HECW1: variants seen among roughly 807,000 people sequenced by gnomAD.
The protein encoded by HECW1 is E3 ubiquitin-protein ligase HECW1.
Under a neutral mutation model 182.3 loss-of-function variants are expected in HECW1, and 61 were observed. The ratio of observed to expected loss-of-function variants is 0.33; its 90% CI spans 0.27 to 0.41. The LOEUF (loss-of-function observed/expected upper bound fraction) is 0.41. Among genes scored for constraint, HECW1 ranks in the 10% least tolerant of loss-of-function variants. HECW1 has a pLI of 1.00. For missense variants in HECW1, 1,739 were observed against 2,108.9 expected, an observed-to-expected ratio of 0.82 and a Z score of 3.44; for synonymous variants, 859 against 832.6, an observed-to-expected ratio of 1.03 and a Z score of -0.55.
chr7:43,474,571 T>C (rs772782661), intron 16 of HECW1, among the ~76,000 whole-genome samples: 7 of 152,088 alleles, frequency 4.6e-5, no homozygotes, highest in Non-Finnish European at 7.4e-5. Context: ...AATAACATTA[T>C]ATTAAATAAA....
At chr7:43,150,290 A>G (rs1327920902) in intron 2 of HECW1, among the ~76,000 whole-genome samples, 4 of 152,252 alleles carry the variant, frequency 2.6e-5, no homozygotes, top group Non-Finnish European at 5.9e-5. Flanking sequence ...CGCTGTCTAT[A>G]ACACTGTGTA....
chr7:43,519,158 T>C (rs950101820), intron 24 of HECW1, among the ~76,000 whole-genome samples: 1 of 152,150 alleles, frequency 6.6e-6, no homozygotes, highest in Non-Finnish European at 1.5e-5. Context: ...ATGAGGAAAC[T>C]CATACCCATA....
chr7:43,437,975 A>G (rs747817881), intron 8 of HECW1, 28 bp from the exon 9 acceptor site: 45 of 1,611,830 alleles, frequency 2.8e-5, no homozygotes, highest in Non-Finnish European at 3.6e-5. Context: ...CTCTCAGTTA[A>G]TTGATGTGAC....
chr7:43,192,248 C>T (rs551090139), intron 2 of HECW1, among the ~76,000 whole-genome samples: 60 of 152,260 alleles, frequency 3.9e-4, no homozygotes, highest in African/African-American at 1.4e-3. Context: ...CGTGAGCCAC[C>T]ACGCCTGGCA....
At chr7:43,532,365 C>G (rs1044350843) in intron 24 of HECW1, among the ~76,000 whole-genome samples, 6 of 152,182 alleles carry the variant, frequency 3.9e-5, no homozygotes, top group Non-Finnish European at 8.8e-5. Flanking sequence ...AGACTCACCT[C>G]TCTCCATGCA....
chr7:43,505,281 C>T (rs1266797374), intron 21 of HECW1, among the ~76,000 whole-genome samples: 1 of 152,216 alleles, frequency 6.6e-6, no homozygotes, highest in Non-Finnish European at 1.5e-5. Context: ...ACCCACCTCT[C>T]CTCCACTACC....
intron 6 of HECW1, among the ~76,000 whole-genome samples, chr7:43,383,466 A>T (rs2074641747): frequency 6.6e-6 from 1 of 152,160 alleles, no homozygotes; most frequent in Non-Finnish European, 1.5e-5. Flanking sequence ...CTTTTTAATA[A>T]TTGCCATTCT....
intron 5 of HECW1, among the ~76,000 whole-genome samples, chr7:43,353,998 G>A (rs893445512): frequency 3.3e-5 from 5 of 152,054 alleles, no homozygotes; most frequent in African/African-American, 1.2e-4. Context: ...CATAGTCCTG[G>A]GATAAACCTT....
chr7:43,185,154 G>C (rs188867766), intron 2 of HECW1, among the ~76,000 whole-genome samples: 6 of 152,110 alleles, frequency 3.9e-5, no homozygotes, highest in Non-Finnish European at 7.4e-5. Context: ...CAGGGATGGT[G>C]GGGGGGAAGG....
intron 3 of HECW1, among the ~76,000 whole-genome samples, chr7:43,292,433 T>C (rs2152756169): frequency 6.6e-6 from 1 of 152,348 alleles, no homozygotes; most frequent in East Asian, 1.9e-4. Context: ...TAACAAGGCA[T>C]CAGGGCAAAG....
intron 16 of HECW1, among the ~76,000 whole-genome samples, chr7:43,475,218 T>C (rs1482360980): frequency 6.6e-6 from 1 of 152,192 alleles, no homozygotes; most frequent in African/African-American, 2.4e-5. Flanking sequence ...TTGTAAGTGG[T>C]GATAGTCTAC....
intron 12 of HECW1, 84 bp downstream of exon 12, chr7:43,451,013 A>C: frequency 1.1e-6 from 1 of 943,166 alleles, no homozygotes; most frequent in South Asian, 1.3e-5. Context: ...GTAAACATCT[A>C]AAGTCTTTCC....
intron 7 of HECW1, among the ~76,000 whole-genome samples, chr7:43,402,769 A>G (rs1212903386): frequency 6.6e-6 from 1 of 152,244 alleles, no homozygotes; most frequent in Non-Finnish European, 1.5e-5. Flanking sequence ...AACATATCAA[A>G]GCAAGATTGC....
chr7:43,450,618 G>GT (rs1226725218), intron 11 of HECW1, among the ~76,000 whole-genome samples: 3 of 152,148 alleles, frequency 2.0e-5, no homozygotes, highest in Non-Finnish European at 4.4e-5. Flanking sequence ...CAGATCATTA[G>GT]TTATGAAGTG....
intron 11 of HECW1, among the ~76,000 whole-genome samples, chr7:43,449,050 C>A (rs2077153408): frequency 6.6e-6 from 1 of 152,194 alleles, no homozygotes; most frequent in African/African-American, 2.4e-5. Context: ...TAACCCCAGG[C>A]AGTCAACAAT....
Position 43,445,545 on chromosome 7 carries a change from G to A in HECW1, c.2373G>A (p.Val791=). The change falls in exon 11 of 30, where the codon GTG becomes GTA. Residue 791 remains valine (V), a synonymous_variant. Transcript: ENST00000395891. ...GCCCGGAAGGTCTGGAATCCCCCGT[G>A]GCAGGTCCAAGCAATCGGAGAGAAG... is the stretch of plus-strand genomic sequence containing the variant. The part of the protein sequence containing the change: ...ERSPEGLESP[V]AGPSNRREGE... 6.2e-7 allele frequency: 1 copy of A among 1,600,268 alleles called. No homozygotes were observed. Among genetic ancestry groups the A allele is most frequent in the Non-Finnish European group, 8.5e-7 (1 of 1,170,830 alleles).
At chr7:43,304,323 C>T (rs113836264) in intron 3 of HECW1, among the ~76,000 whole-genome samples, 1,979 of 152,184 alleles carry the variant, frequency 0.013, 57 homozygotes, top group African/African-American at 0.046. Flanking sequence ...GTCCAGGAAC[C>T]AGGAACTCAA....
chr7:43,146,495 A>T (rs1204029452), intron 2 of HECW1, among the ~76,000 whole-genome samples: 1 of 152,246 alleles, frequency 6.6e-6, no homozygotes, highest in East Asian at 1.9e-4. Context: ...AATAATAAGG[A>T]AATGAATAAG....
At chr7:43,323,112 A>T (rs1810339252) in intron 5 of HECW1, among the ~76,000 whole-genome samples, 1 of 152,178 alleles carries the variant, frequency 6.6e-6, no homozygotes, top group African/African-American at 2.4e-5. Context: ...CCTCATTTGC[A>T]TGGCCCAACA....
Sources: allele counts gnomAD v4.1 joint callset (sites outside exome capture counted in the v4.1 genomes callset), GRCh38; gene constraint gnomAD v4.1.1; transcripts MANE v1.5; gene names NCBI Gene and HGNC (gene_info 2026-07-23, HGNC 2026-07-21).